The following GRM5 variants were observed in gnomAD, a reference collection of about 807,000 sequenced individuals.
The protein encoded by GRM5 is glutamate metabotropic receptor 5.
In GRM5, 19 loss-of-function variants were observed where a neutral mutation model predicts 83.1. That is an observed-to-expected ratio of 0.23 (90% CI 0.16 to 0.34). The LOEUF (loss-of-function observed/expected upper bound fraction) is 0.34, where lower values mean the gene tolerates loss of function less well. Ranked by LOEUF, GRM5 falls within the 10% of genes least tolerant of loss-of-function variation. The probability of loss-of-function intolerance (pLI) is 1.00; values close to 1 mark genes in which losing one functional copy is unlikely to be tolerated. For missense variants in GRM5, 1,160 were observed against 1,588.3 expected (o/e 0.73, Z 4.58); for synonymous variants, 675 against 633.6 (o/e 1.07, Z -0.98).
At chr11:88,775,417 G>GT (rs1405859833) in intron 3 of GRM5, among the ~76,000 whole-genome samples, 3 of 151,952 alleles carry the variant, frequency 2.0e-5, no homozygotes, top group South Asian at 2.1e-4. Flanking sequence ...TTTTTGAAGG[G>GT]TTTTTTTGCG....
At chr11:88,995,921 T>C (rs1403860060) in intron 2 of GRM5, among the ~76,000 whole-genome samples, 3 of 151,998 alleles carry the variant, frequency 2.0e-5, no homozygotes, top group Non-Finnish European at 4.4e-5. Context: ...ACCTGAATCC[T>C]TCATCCAAAG....
At chr11:88,792,696 T>C (rs1185037772) in intron 3 of GRM5, among the ~76,000 whole-genome samples, 1 of 152,096 alleles carries the variant, frequency 6.6e-6, no homozygotes, top group Non-Finnish European at 1.5e-5. Context: ...CCCAACATAC[T>C]GAGGTATTTG....
chr11:88,613,328 T>G (rs1938379776), intron 4 of GRM5, among the ~76,000 whole-genome samples: 1 of 152,196 alleles, frequency 6.6e-6, no homozygotes, highest in Non-Finnish European at 1.5e-5. Flanking sequence ...TTGTGTAGCT[T>G]CCTAAATCTC....
chr11:88,626,699 T>C (rs1260724154), intron 4 of GRM5, among the ~76,000 whole-genome samples: 2 of 152,100 alleles, frequency 1.3e-5, no homozygotes, highest in Non-Finnish European at 2.9e-5. Flanking sequence ...AGTGTGATGG[T>C]ATTTGGAGAT....
chr11:88,962,326 C>T (rs763909358), intron 2 of GRM5, among the ~76,000 whole-genome samples: 5 of 152,148 alleles, frequency 3.3e-5, no homozygotes, highest in African/African-American at 9.7e-5. Context: ...CTTATATTCA[C>T]GTAGCCATTC....
At chr11:88,849,508 C>T (rs1241129636) in intron 3 of GRM5, among the ~76,000 whole-genome samples, 9 of 152,156 alleles carry the variant, frequency 5.9e-5, no homozygotes, top group Non-Finnish European at 8.8e-5. Context: ...CCCTCATTTT[C>T]AAACCCAAAA....
intron 3 of GRM5, among the ~76,000 whole-genome samples, chr11:88,819,191 T>G (rs1385725767): frequency 6.6e-6 from 1 of 152,220 alleles, no homozygotes; most frequent in African/African-American, 2.4e-5. Flanking sequence ...GTTTGAGGCT[T>G]GATGCCATAA....
chr11:88,932,639 G>A (rs1937753052), intron 2 of GRM5, among the ~76,000 whole-genome samples: 1 of 151,928 alleles, frequency 6.6e-6, no homozygotes, highest in African/African-American at 2.4e-5. Flanking sequence ...AGCTATATAT[G>A]TAACAACTTA....
intron 2 of GRM5, among the ~76,000 whole-genome samples, chr11:89,021,310 C>T (rs1940978108): frequency 6.6e-6 from 1 of 152,162 alleles, no homozygotes; most frequent in Admixed American, 6.5e-5. Context: ...GTCACTCCAT[C>T]ACCTGCACAA....
intron 2 of GRM5, among the ~76,000 whole-genome samples, chr11:88,911,260 A>G (rs1412640922): frequency 2.0e-5 from 3 of 152,156 alleles, no homozygotes; most frequent in Non-Finnish European, 4.4e-5. Context: ...TCATAAGAGA[A>G]CAGATTCATT....
At chr11:88,823,629 C>T (rs1943841446) in intron 3 of GRM5, among the ~76,000 whole-genome samples, 1 of 152,068 alleles carries the variant, frequency 6.6e-6, no homozygotes, top group Non-Finnish European at 1.5e-5. Flanking sequence ...GCTGATCACC[C>T]ATGTTGAGCT....
chr11:88,846,721 A>T (rs1944308955), intron 3 of GRM5, among the ~76,000 whole-genome samples: 1 of 151,014 alleles, frequency 6.6e-6, no homozygotes, highest in Non-Finnish European at 1.5e-5. Flanking sequence ...TCCTAAAGCC[A>T]TTCATTCAAG....
At chr11:88,654,552 A>G (rs1279552353) in intron 3 of GRM5, among the ~76,000 whole-genome samples, 1 of 152,066 alleles carries the variant, frequency 6.6e-6, no homozygotes, top group East Asian at 1.9e-4. Flanking sequence ...AAGAGAAGGA[A>G]TATAGAGAGA....
At chr11:88,840,672 G>A (rs1366469642) in intron 3 of GRM5, among the ~76,000 whole-genome samples, 4 of 152,162 alleles carry the variant, frequency 2.6e-5, no homozygotes, top group Non-Finnish European at 5.9e-5. Flanking sequence ...CTTTCATGAT[G>A]TTGTCTCTAT....
chr11:88,643,460 C>T (rs999235497), intron 4 of GRM5, among the ~76,000 whole-genome samples: 2 of 152,148 alleles, frequency 1.3e-5, no homozygotes, highest in African/African-American at 4.8e-5. Flanking sequence ...CTATATCAGC[C>T]TTTCTGTGCA....
At chr11:88,871,627 G>A (rs1944770073) in intron 2 of GRM5, among the ~76,000 whole-genome samples, 1 of 151,348 alleles carries the variant, frequency 6.6e-6, no homozygotes, top group Non-Finnish European at 1.5e-5. Context: ...TCTAGTATAT[G>A]GAAATGAAAG....
At chr11:88,918,091 G>A (rs904516525) in intron 2 of GRM5, among the ~76,000 whole-genome samples, 1 of 151,474 alleles carries the variant, frequency 6.6e-6, no homozygotes, top group African/African-American at 2.4e-5. Context: ...AAGAAAAAAA[G>A]AAACAACATA....
Position 88,509,356 on chromosome 11 carries a change from GGCTCTCCGT to G in GRM5, c.2866_2874del (p.Thr956_Ser958del). ...GCGCCAGCGCCAGCGCCCAGGCCACGGCTCTCCGTGCTCTTGGGGAAGGGCTTGATGACG... is the reference window on the plus strand; with the variant it reads ...GCGCCAGCGCCAGCGCCCAGGCCACGGCTCTTGGGGAAGGGCTTGATGACG... On this transcript the variant is annotated inframe_deletion, in exon 10 of 10. Coordinates refer to ENST00000305447, the MANE Select transcript of GRM5 (RefSeq NM_001143831.3). 1 of 1,610,038 alleles carries G rather than the reference GGCTCTCCGT, an allele frequency of 6.2e-7. No homozygotes were observed. Among genetic ancestry groups the G allele is most frequent in the Non-Finnish European group, 8.5e-7 (1 of 1,178,950 alleles).
At chr11:88,679,650 T>C (rs1331125095) in intron 3 of GRM5, among the ~76,000 whole-genome samples, 1 of 152,150 alleles carries the variant, frequency 6.6e-6, no homozygotes, top group Non-Finnish European at 1.5e-5. Flanking sequence ...ACTTTTATAC[T>C]TTTATGAGTC....
Sources: allele counts gnomAD v4.1 joint callset (sites outside exome capture counted in the v4.1 genomes callset), GRCh38; gene constraint gnomAD v4.1.1; transcripts MANE v1.5; gene names NCBI Gene and HGNC (gene_info 2026-07-23, HGNC 2026-07-21).